Variants in GRM7 observed in about 807,000 individuals in gnomAD.
The protein encoded by GRM7 is glutamate metabotropic receptor 7.
A neutral mutation model predicts 84.5 loss-of-function variants in GRM7; 35 were observed. The ratio of observed to expected loss-of-function variants is 0.41; its 90% CI spans 0.32 to 0.55. GRM7 has a LOEUF of 0.55. GRM7 is among the 20% of genes least tolerant of loss of function. The pLI, the probability that GRM7 is intolerant of heterozygous loss-of-function variation, is 0.19. For missense variants in GRM7, 1,003 were observed against 1,194.6 expected (o/e 0.84, Z 2.36); for synonymous variants, 487 against 455.1 (o/e 1.07, Z -0.89).
intron 9 of GRM7, among the ~76,000 whole-genome samples, chr3:7,708,898 A>G (rs752455117): frequency 6.6e-6 from 1 of 151,588 alleles, no homozygotes; most frequent in Non-Finnish European, 1.5e-5. Context: ...TATAGAATAT[A>G]TGTATTATAT....
intron 1 of GRM7, among the ~76,000 whole-genome samples, chr3:7,048,043 A>T (rs1696863232): frequency 6.6e-6 from 1 of 152,026 alleles, no homozygotes; most frequent in African/African-American, 2.4e-5. Context: ...TCTTAGTCTC[A>T]GTTCAACATT....
chr3:6,927,057 A>G (rs924534777), intron 1 of GRM7, among the ~76,000 whole-genome samples: 6 of 152,336 alleles, frequency 3.9e-5, no homozygotes, highest in Middle Eastern at 3.4e-3. Context: ...ATATGTAGAC[A>G]TAGGTAAAAC....
chr3:7,258,594 G>A (rs1698295598), intron 2 of GRM7, among the ~76,000 whole-genome samples: 2 of 152,172 alleles, frequency 1.3e-5, no homozygotes, highest in African/African-American at 2.4e-5. Context: ...ATTCTTATGA[G>A]ATATTTCCAA....
At chr3:7,517,373 TAG>T (rs1170543037) in intron 7 of GRM7, among the ~76,000 whole-genome samples, 416 of 15,488 alleles carry the variant, frequency 0.027, 2 homozygotes, top group African/African-American at 0.11. Flanking sequence ...TTATTATTAG[TAG>T]TAGTAGTAGT....
At chr3:7,106,012 A>G (rs1302781493) in intron 1 of GRM7, among the ~76,000 whole-genome samples, 1 of 151,946 alleles carries the variant, frequency 6.6e-6, no homozygotes, top group African/African-American at 2.4e-5. Flanking sequence ...CACCTGGAGA[A>G]GTATTAACTT....
intron 2 of GRM7, among the ~76,000 whole-genome samples, chr3:7,150,310 C>G (rs1176652676): frequency 1.3e-5 from 2 of 152,246 alleles, no homozygotes; most frequent in East Asian, 1.9e-4. Flanking sequence ...TACTTATAAA[C>G]CAGAGCCTAA....
intron 4 of GRM7, among the ~76,000 whole-genome samples, chr3:7,330,896 T>C (rs964929863): frequency 2.6e-5 from 4 of 152,174 alleles, no homozygotes. Context: ...TTTCTCTTTA[T>C]TTTCATAGGG....
intron 9 of GRM7, among the ~76,000 whole-genome samples, chr3:7,739,206 A>G (rs924943779): frequency 9.2e-5 from 14 of 152,252 alleles, no homozygotes; most frequent in Non-Finnish European, 1.8e-4. Context: ...TATAGTGTAC[A>G]GTACCCTGTG....
chr3:7,293,117 G>C (rs1242188228), intron 2 of GRM7, among the ~76,000 whole-genome samples: 1 of 151,350 alleles, frequency 6.6e-6, no homozygotes, highest in Non-Finnish European at 1.5e-5. Flanking sequence ...CTAAATAATA[G>C]AATCATCAAT....
chr3:7,538,617 A>G (rs1692693248), intron 7 of GRM7, among the ~76,000 whole-genome samples: 1 of 152,234 alleles, frequency 6.6e-6, no homozygotes, highest in Non-Finnish European at 1.5e-5. Flanking sequence ...TTAAAATATT[A>G]GTAAAATTGT....
chr3:7,160,859 C>T (rs1694601145), intron 2 of GRM7, among the ~76,000 whole-genome samples: 1 of 152,058 alleles, frequency 6.6e-6, no homozygotes, highest in Non-Finnish European at 1.5e-5. Context: ...CATCCGTATC[C>T]TGTTTGATTG....
At chr3:7,353,829 T>C (rs1045833676) in intron 4 of GRM7, among the ~76,000 whole-genome samples, 1 of 152,070 alleles carries the variant, frequency 6.6e-6, no homozygotes, top group Admixed American at 6.6e-5. Flanking sequence ...AAAAGCAAGG[T>C]GTACATAGTT....
At chr3:6,940,785 C>T (rs1697865126) in intron 1 of GRM7, among the ~76,000 whole-genome samples, 2 of 152,170 alleles carry the variant, frequency 1.3e-5, no homozygotes, top group South Asian at 4.1e-4. Context: ...ATTTAACAGT[C>T]ATATCATCTT....
chr3:7,438,946 A>G (rs768264360), intron 5 of GRM7, among the ~76,000 whole-genome samples: 30 of 152,174 alleles, frequency 2.0e-4, no homozygotes, highest in Admixed American at 3.9e-4. Flanking sequence ...AAGACATCCA[A>G]CTAGAAGGGT....
At chr3:7,181,117 T>C (rs919369216) in intron 2 of GRM7, among the ~76,000 whole-genome samples, 15 of 152,190 alleles carry the variant, frequency 9.9e-5, no homozygotes, top group African/African-American at 3.6e-4. Flanking sequence ...GGAGAAGATT[T>C]CAAATGCTTT....
chr3:7,355,794 A>C (rs537175481), intron 4 of GRM7, among the ~76,000 whole-genome samples: 1 of 152,260 alleles, frequency 6.6e-6, no homozygotes, highest in Admixed American at 6.5e-5. Flanking sequence ...TACATGAAGA[A>C]GTGGCCCAAA....
intron 4 of GRM7, among the ~76,000 whole-genome samples, chr3:7,361,704 A>G (rs954059436): frequency 3.3e-5 from 5 of 152,124 alleles, no homozygotes; most frequent in African/African-American, 1.2e-4. Flanking sequence ...AATTATATAG[A>G]AAATATATGG....
intron 7 of GRM7, among the ~76,000 whole-genome samples, chr3:7,529,906 C>A (rs1700963394): frequency 2.2e-5 from 2 of 92,868 alleles, no homozygotes; most frequent in South Asian, 3.9e-4. Flanking sequence ...GCTGTTAGGA[C>A]CTTTTCTTTT....
At chr3:7,066,315 A>G (rs1697660127) in intron 1 of GRM7, among the ~76,000 whole-genome samples, 1 of 151,906 alleles carries the variant, frequency 6.6e-6, no homozygotes, top group Non-Finnish European at 1.5e-5. Context: ...AATCCAACTA[A>G]CCTCACTAAG....
Sources: gnomAD v4.1 joint callset for allele counts (sites outside exome capture counted in the v4.1 genomes callset) on GRCh38, gnomAD v4.1.1 for gene constraint, MANE v1.5 for transcripts, NCBI Gene and HGNC (gene_info 2026-07-23, HGNC 2026-07-21) for gene names.